The following ADGRF3 variants were observed in gnomAD, a reference collection of about 807,000 sequenced individuals.
ADGRF3 encodes adhesion G protein-coupled receptor F3.
ADGRF3 carries 85 observed loss-of-function variants against 93.2 expected under a neutral mutation model. That is an observed-to-expected ratio of 0.91 (90% confidence interval 0.77 to 1.09). ADGRF3 has a LOEUF of 1.09. Ranked by LOEUF, ADGRF3 falls within the 50% of genes least tolerant of loss-of-function variation. The pLI is 0.00. For missense variants in ADGRF3, 1,125 were observed against 1,246.2 expected (o/e 0.90, Z 1.46); for synonymous variants, 534 against 532.5 (o/e 1.00, Z -0.04).
intron 1 of ADGRF3, among the ~76,000 whole-genome samples, chr2:26,338,456 T>C (rs1676174391): frequency 6.6e-6 from 1 of 152,192 alleles, no homozygotes; most frequent in Non-Finnish European, 1.5e-5. Context: ...CCATGTCTTA[T>C]TCAACTTTGT....
chr2:26,335,232 T>A (rs1043984779), intron 1 of ADGRF3, among the ~76,000 whole-genome samples: 5 of 152,230 alleles, frequency 3.3e-5, no homozygotes, highest in African/African-American at 1.2e-4. Context: ...AGCTTTCTGT[T>A]TCTATGGATT....
At chr2:26,325,319 T>C (rs1360287150) in intron 1 of ADGRF3, among the ~76,000 whole-genome samples, 1 of 152,152 alleles carries the variant, frequency 6.6e-6, no homozygotes, top group Non-Finnish European at 1.5e-5. Context: ...CAAGAAGAGG[T>C]ATTTTAACAA....
At chr2:26,335,573 G>C (rs892382579) in intron 1 of ADGRF3, among the ~76,000 whole-genome samples, 4 of 152,128 alleles carry the variant, frequency 2.6e-5, no homozygotes, top group African/African-American at 9.7e-5. Flanking sequence ...TTCCACAGGA[G>C]CTGTACCATT....
rs1253675989 is a variant in ADGRF3, at chr2:26,316,593, G to A, written c.326-145C>T. 7.3e-6 allele frequency: 6 copies of A among 819,100 alleles called. No individual in the cohort carries two copies. The East Asian group carries it at 1.4e-4, about 18-fold the overall frequency. 50.7% of individuals were successfully genotyped at this position (819,100 alleles called of 1,614,324 possible). A position where few individuals can be genotyped will look rare whatever the true frequency, so the allele number is the denominator to read the frequency against. On this transcript the variant is annotated intron_variant, in intron 3 of 13. Transcript: ENST00000651242. ...CTACAGGTGCCTCAGTCAGGCCCAT[G>A]CATCAGGACTGCCTCCTCAGTCAGG...
chr2:26,322,902 G>A (rs1322723218), intron 1 of ADGRF3, among the ~76,000 whole-genome samples: 2 of 152,066 alleles, frequency 1.3e-5, no homozygotes, highest in Non-Finnish European at 2.9e-5. Context: ...TTGGGAGGCC[G>A]AGGCAGGTGG....
At chr2:26,325,444 A>G (rs879293246) in intron 1 of ADGRF3, among the ~76,000 whole-genome samples, 1 of 152,210 alleles carries the variant, frequency 6.6e-6, no homozygotes, top group Non-Finnish European at 1.5e-5. Flanking sequence ...TTAGATCTAT[A>G]ATTTAAGTAT....
chr2:26,346,569 A>T lies in ADGRF3; in HGVS notation c.-335T>A. The T allele has an allele frequency of 3.2e-6, 1 of 317,060 alleles. No homozygotes were observed. The highest frequency in any genetic ancestry group is 5.8e-6 in the Non-Finnish European group (1 of 173,224). The allele number at this position is 317,060 out of a possible 1,614,324, so 19.6% of individuals were successfully genotyped here. On this transcript the variant is annotated 5_prime_UTR_variant, in exon 1 of 14. An upstream open reading frame in the 5' UTR gains an earlier in-frame stop. Coordinates refer to ENST00000651242, the MANE Select transcript of ADGRF3 (RefSeq NM_001321971.2). ...AGGGAATTCCCTTCCTATTTTTTTTAAACTTATTATTTTCGTAAGCCCCCG... is the reference window on the plus strand; with the variant it reads ...AGGGAATTCCCTTCCTATTTTTTTTTAACTTATTATTTTCGTAAGCCCCCG...
chr2:26,338,438 C>T (rs191331450), intron 1 of ADGRF3, among the ~76,000 whole-genome samples: 1 of 152,232 alleles, frequency 6.6e-6, no homozygotes, highest in Non-Finnish European at 1.5e-5. Flanking sequence ...CTTCTCCCTG[C>T]TTGGGGACCA....
In ADGRF3 at chr2:26,315,857, C is replaced by T. The variant is rs533413049; in HGVS notation, c.500-117G>A. On this transcript the variant is annotated intron_variant, in intron 4 of 13. Transcript: ENST00000651242. ...CCATTCCTCCACACTCCCTCCCTAG[C>T]TTTTTAACTTTTTCTTTTTGTCCCT... The T allele has an allele frequency of 2.6e-5, 37 of 1,427,348 alleles. 1 individual carries two copies. In the South Asian group the frequency reaches 4.6e-4, roughly 18 times the overall value. The allele number at this position is 1,427,348 out of a possible 1,614,324, so 88.4% of individuals were successfully genotyped here. A position where few individuals can be genotyped will look rare whatever the true frequency, so the allele number is the denominator to read the frequency against.
At chr2:26,324,522 G>A (rs910571219) in intron 1 of ADGRF3, among the ~76,000 whole-genome samples, 1 of 151,960 alleles carries the variant, frequency 6.6e-6, no homozygotes, top group African/African-American at 2.4e-5. Flanking sequence ...CCCTGTATGT[G>A]TCCATGTGTT....
chr2:26,312,097 G>A, intron 9 of ADGRF3, 23 bp from the exon 10 acceptor site: 2 of 1,582,764 alleles, frequency 1.3e-6, no homozygotes, highest in Non-Finnish European at 1.7e-6. Flanking sequence ...AAAGAAAGAT[G>A]AACCCCGTCT....
At chr2:26,309,771 T>C (rs986561033) in intron 12 of ADGRF3, among the ~76,000 whole-genome samples, 190 bp from the exon 13 acceptor site, 1 of 152,200 alleles carries the variant, frequency 6.6e-6, no homozygotes. Context: ...AAATGCTAAC[T>C]GGAGGCAGAT....
rs754869019 is a variant in ADGRF3, at chr2:26,311,141, C to T, written c.2383G>A (p.Ala795Thr). 6 of 1,594,634 alleles carry T rather than the reference C, an allele frequency of 3.8e-6. No homozygotes were observed. In the South Asian group the frequency reaches 6.8e-5, roughly 18 times the overall value. ...LATFFWMLAQ[A>T]LVLAHQLLFV... ...AGCAGCTGGTGGGCCAACACCAGGG[C>T]CTGCGCCAGCATCCAGAAAAAGGTG... is the stretch of plus-strand genomic sequence containing the variant. The change falls in exon 10 of 14, where the codon GCC (alanine) becomes ACC (threonine). Residue 795 changes from alanine (A) to threonine (T), a missense_variant. By Grantham distance (58) the Ala-to-Thr change is moderately conservative. Coordinates refer to ENST00000651242, the MANE Select transcript of ADGRF3 (RefSeq NM_001321971.2).
rs1674045897 is a variant in ADGRF3, at chr2:26,311,003, C to G, written c.2521G>C (p.Gly841Arg). The G allele has an allele frequency of 1.1e-5, 17 of 1,613,292 alleles. No homozygotes were observed. The highest frequency in any genetic ancestry group is 1.4e-5 in the Non-Finnish European group (17 of 1,179,648). ...GVTLGLYLPQ[G>R]QYLREGECWL... is the part of the protein sequence containing the mutation. Reference sequence around the variant, plus strand: ...CATTCCCCCTCCCTCAGGTATTGCCCTTGAGGTAGGTAGAGCCCCAGGGTG... The same window carrying G: ...CATTCCCCCTCCCTCAGGTATTGCCGTTGAGGTAGGTAGAGCCCCAGGGTG... Residue 841 changes from glycine (G) to arginine (R), a missense_variant, in exon 10 of 14, where the codon GGG becomes CGG. Coordinates refer to ENST00000651242, the MANE Select transcript of ADGRF3 (RefSeq NM_001321971.2).
chr2:26,324,826 T>C (rs951948156), intron 1 of ADGRF3, among the ~76,000 whole-genome samples: 3 of 152,238 alleles, frequency 2.0e-5, no homozygotes, highest in African/African-American at 7.2e-5. Flanking sequence ...TATATACCTT[T>C]GGGTATAGAC....
chr2:26,310,153 T>TCG (rs1673934162), intron 11 of ADGRF3, 43 bp downstream of exon 11: 2 of 1,613,864 alleles, frequency 1.2e-6, no homozygotes, highest in Non-Finnish European at 1.7e-6. Flanking sequence ...GGCCCCGGCC[T>TCG]GCGGGCTGCA....
chr2:26,309,952 T>C, intron 12 of ADGRF3, 91 bp downstream of exon 12: 1 of 1,613,670 alleles, frequency 6.2e-7, no homozygotes, highest in South Asian at 1.1e-5. Flanking sequence ...TCTCAGCTTC[T>C]GGCTGTGCCC....
At chr2:26,324,977 G>A (rs1356392490) in intron 1 of ADGRF3, among the ~76,000 whole-genome samples, 1 of 152,188 alleles carries the variant, frequency 6.6e-6, no homozygotes, top group African/African-American at 2.4e-5. Context: ...AGCCTTGCCA[G>A]CATCTGTTAA....
chr2:26,311,345 C>A lies in ADGRF3; in HGVS notation c.2179G>T (p.Val727Leu), dbSNP rs764079967. 36 of 1,613,910 alleles carry A rather than the reference C, an allele frequency of 2.2e-5. No homozygotes were observed. The East Asian group carries it at 5.6e-4, about 25-fold the overall frequency. ...LLVCLGVYWL[V>L]WRVVVRNKIS... ...TTGTTCCGCACCACGACTCTCCACA[C>A]CAGCCAGTACACACCCAGGCACACA... The change falls in exon 10 of 14, where the codon GTG becomes TTG. Residue 727 changes from valine to leucine, a missense_variant. Physicochemically the swap from Val to Leu is conservative, Grantham distance 32 (BLOSUM62 1). Transcript: ENST00000651242.
Sources: gnomAD v4.1 joint callset for allele counts (sites outside exome capture counted in the v4.1 genomes callset) on GRCh38, gnomAD v4.1.1 for gene constraint, MANE v1.5 for transcripts, NCBI Gene and HGNC (gene_info 2026-07-23, HGNC 2026-07-21) for gene names.